Variants in LARP1 observed in about 807,000 individuals in gnomAD.
LARP1 encodes La ribonucleoprotein 1, translational regulator, also known as la-related protein 1.
In LARP1, 36 loss-of-function variants were observed where a neutral mutation model predicts 122.7. That is an observed-to-expected ratio of 0.29 (90% CI 0.22 to 0.39). LARP1 has a LOEUF of 0.39. Among genes scored for constraint, LARP1 ranks in the 10% least tolerant of loss-of-function variants. LARP1 has a pLI of 1.00. For synonymous variants in LARP1, 539 were observed against 528.7 expected, an observed-to-expected ratio of 1.02 and a Z score of -0.27; for missense variants, 1,040 against 1,403.6, an observed-to-expected ratio of 0.74 and a Z score of 4.14.
At chr5:154,769,435 C>T (rs1371733403) in intron 1 of LARP1, among the ~76,000 whole-genome samples, 1 of 152,186 alleles carries the variant, frequency 6.6e-6, no homozygotes, top group Non-Finnish European at 1.5e-5. Context: ...GAGGAACATC[C>T]TCATGGGAGA....
chr5:154,710,849 A>G (rs769659179), upstream of LARP1, among the ~76,000 whole-genome samples: 1 of 151,840 alleles, frequency 6.6e-6, no homozygotes, highest in Admixed American at 6.6e-5. Context: ...TTTCTCCCAC[A>G]CCAAAAGTCC....
intron 1 of LARP1, among the ~76,000 whole-genome samples, chr5:154,695,761 T>G (rs1010019209): frequency 1.3e-5 from 2 of 151,898 alleles, no homozygotes; most frequent in Non-Finnish European, 2.9e-5. Context: ...TAATCCCAGC[T>G]ACTTGGGCGG....
chr5:154,773,817 C>G (rs527295734), intron 1 of LARP1, among the ~76,000 whole-genome samples: 4 of 152,330 alleles, frequency 2.6e-5, no homozygotes, highest in African/African-American at 9.6e-5. Context: ...CAGCACTGGC[C>G]TGTCTCTTGG....
chr5:154,756,424 G>T (rs986397171), intron 1 of LARP1: 2 of 993,766 alleles, frequency 2.0e-6, no homozygotes, highest in Non-Finnish European at 2.4e-6. Context: ...GCCACCGCCT[G>T]GGCCGCAGCG....
At chr5:154,696,419 C>T (rs565339665) in intron 1 of LARP1, among the ~76,000 whole-genome samples, 1 of 152,294 alleles carries the variant, frequency 6.6e-6, no homozygotes, top group African/African-American at 2.4e-5. Flanking sequence ...ATGAAGACTG[C>T]ATTGCTAGAG....
rs149639356 is a variant in LARP1 at position 154,802,466 on chromosome 5, C to A, written c.2109+67C>A. On this transcript the variant is annotated intron_variant, in intron 11 of 18. Coordinates refer to ENST00000518297, the MANE Select transcript of LARP1 (RefSeq NM_033551.3). The surrounding 1 kb of genome is among the most constrained non-coding windows in gnomAD (Gnocchi z 5.1). The stretch of plus-strand genomic sequence containing the variant: ...CTGTATTGTACGGAGAAGAGGAAGC[C>A]TGATTAGCTGTGCAATTTTAGGCAG... 3.3e-4 allele frequency: 487 copies of A among 1,491,120 alleles called. 1 individual carries two copies. In the African/African-American group the frequency reaches 6.4e-3, roughly 19 times the overall value. The allele number at this position is 1,491,120 out of a possible 1,614,324, so 92.4% of individuals were successfully genotyped here.
chr5:154,781,910 A>G (rs1452995448), intron 1 of LARP1, among the ~76,000 whole-genome samples: 1 of 152,188 alleles, frequency 6.6e-6, no homozygotes, highest in East Asian at 1.9e-4. Context: ...TGGAGTTGAG[A>G]TACACACAGA....
chr5:154,742,131 T>C (rs17116409), intron 1 of LARP1, among the ~76,000 whole-genome samples: 20,440 of 152,190 alleles, frequency 0.13, 1,647 homozygotes, highest in African/African-American at 0.23. Context: ...TTGCCACAGC[T>C]TTTCTGCACT....
At chr5:154,724,474 A>G (rs1474219488) in intron 1 of LARP1, among the ~76,000 whole-genome samples, 1 of 152,226 alleles carries the variant, frequency 6.6e-6, no homozygotes, top group East Asian at 1.9e-4. Context: ...AGTGAAAACA[A>G]TTTACAAGCT....
At chr5:154,765,760 C>G (rs1754894344) in intron 1 of LARP1, among the ~76,000 whole-genome samples, 2 of 152,186 alleles carry the variant, frequency 1.3e-5, no homozygotes, top group African/African-American at 4.8e-5. Flanking sequence ...TTTGTATTCC[C>G]AGTACCTGCA....
chr5:154,708,082 C>A (rs376268648), upstream of LARP1, among the ~76,000 whole-genome samples: 611 of 152,246 alleles, frequency 4.0e-3, 10 homozygotes, highest in African/African-American at 0.014. Flanking sequence ...CTTCCCAGTT[C>A]GGGGGTCTTT....
intron 8 of LARP1, among the ~76,000 whole-genome samples, chr5:154,797,701 A>G (rs974439148): frequency 3.6e-5 from 5 of 137,588 alleles, no homozygotes; most frequent in African/African-American, 5.5e-5. Context: ...TTTTTTAAAC[A>G]TTTTTTAAAG....
intron 1 of LARP1, among the ~76,000 whole-genome samples, chr5:154,691,598 C>T (rs903267872): frequency 1.3e-5 from 2 of 152,174 alleles, no homozygotes; most frequent in African/African-American, 4.8e-5. Context: ...GACTCAGCCC[C>T]GCCCCACTGC....
At chr5:154,764,309 CAA>C (rs763026015) in intron 1 of LARP1, among the ~76,000 whole-genome samples, 23 of 112,646 alleles carry the variant, frequency 2.0e-4, no homozygotes, top group Admixed American at 2.9e-4. Flanking sequence ...GACTTCATCT[CAA>C]AAAAAAAAAA....
intron 1 of LARP1, chr5:154,685,648 T>C: frequency 3.1e-6 from 1 of 326,994 alleles, no homozygotes; most frequent in Non-Finnish European, 6.0e-6. Flanking sequence ...AAACGCTGCC[T>C]CTGCTAGTCT....
chr5:154,728,677 T>G (rs573791929), intron 1 of LARP1, among the ~76,000 whole-genome samples: 1 of 151,982 alleles, frequency 6.6e-6, no homozygotes, highest in African/African-American at 2.4e-5. Context: ...AAGTTGAGTA[T>G]GAAGAATTAT....
rs1265084969 is a variant in LARP1 at position 154,691,216 on chromosome 5, CGCGCCACT to C, written c.-180+8182_-180+8189del. Among the ~76,000 whole-genome samples the C allele has an allele frequency of 2.7e-5, 4 of 149,718 alleles. No individual in the cohort carries two copies. The East Asian group carries it at 7.9e-4, about 29-fold the overall frequency. On this transcript the variant is annotated intron_variant, in intron 1 of 18. Coordinates refer to the LARP1 transcript ENST00000687700. ...GGCGGAGCTTGCAGTGAGCCGAGAT[CGCGCCACT>C]GCCCTCCAGCCTGGGCGACAGAGGG... is the stretch of plus-strand genomic sequence containing the variant.
chr5:154,787,040 T>C (rs1322423259), intron 1 of LARP1, among the ~76,000 whole-genome samples: 1 of 152,076 alleles, frequency 6.6e-6, no homozygotes, highest in African/African-American at 2.4e-5. Context: ...CCACCACACC[T>C]AGCTAATTTT....
chr5:154,788,202 A>C (rs903646091), intron 1 of LARP1, among the ~76,000 whole-genome samples: 1 of 152,200 alleles, frequency 6.6e-6, no homozygotes, highest in Non-Finnish European at 1.5e-5. Flanking sequence ...AGGCTCATCC[A>C]GGCTAACCCA....
Sources: gnomAD v4.1 joint callset for allele counts (sites outside exome capture counted in the v4.1 genomes callset) on GRCh38, gnomAD v4.1.1 for gene constraint, Gnocchi (gnomAD v3.1) non-coding constraint, MANE v1.5 for transcripts, NCBI Gene and HGNC (gene_info 2026-07-23, HGNC 2026-07-21) for gene names.